The following PTOV1 variants were observed in gnomAD, a reference collection of about 807,000 sequenced individuals.
PTOV1 encodes the protein prostate tumor-overexpressed gene 1 protein.
In PTOV1, 20 loss-of-function variants were observed where a neutral mutation model predicts 58.0. The ratio of observed to expected loss-of-function variants is 0.34; its 90% confidence interval spans 0.24 to 0.50. The LOEUF is 0.50. Ranked by LOEUF, PTOV1 falls within the 20% of genes least tolerant of loss-of-function variation. The pLI is 0.98. For missense variants in PTOV1, 593 were observed against 565.4 expected, an observed-to-expected ratio of 1.05 and a Z score of -0.50; for synonymous variants, 335 against 234.2, an observed-to-expected ratio of 1.43 and a Z score of -3.93.
At chr19:49,860,399 G>GA in exon 12 of PTOV1, 12 of 517,952 alleles carry the variant, frequency 2.3e-5, no homozygotes, top group Non-Finnish European at 4.3e-5. Flanking sequence ...GTGGGGTTGG[G>GA]AAAGAAGCAG....
exon 10 of PTOV1, chr19:49,858,633 C>G: frequency 6.2e-7 from 1 of 1,601,606 alleles, no homozygotes; most frequent in Non-Finnish European, 8.5e-7. Flanking sequence ...GAGCCTGTGC[C>G]GGATCATGGA....
chr19:49,851,079 C>A, upstream of PTOV1: 1 of 1,457,694 alleles, frequency 6.9e-7, no homozygotes, highest in East Asian at 2.7e-5. Context: ...CCGGGCCCCG[C>A]TCCCCCGCGC....
At chr19:49,854,487 G>A (rs770745504) in exon 2 of PTOV1, 57 of 1,612,748 alleles carry the variant, frequency 3.5e-5, no homozygotes, top group Non-Finnish European at 4.5e-5. Context: ...GGCCGTGAGC[G>A]AGCACCGGCT....
chr19:49,858,722 G>C, intron 10 of PTOV1, 69 bp downstream of exon 10: 1 of 1,309,248 alleles, frequency 7.6e-7, no homozygotes, highest in South Asian at 1.3e-5. Flanking sequence ...GCTCACGGGG[G>C]CGGACATGGG....
intron 3 of PTOV1, 39 bp downstream of exon 3, chr19:49,854,773 G>A (rs373959297): frequency 6.2e-7 from 1 of 1,613,054 alleles, no homozygotes; most frequent in African/African-American, 1.3e-5. Flanking sequence ...GGTGGCAGGG[G>A]CAGTGGCTGT....
At chr19:49,858,101 C>T (rs1159017736) in exon 9 of PTOV1, 9 of 1,613,546 alleles carry the variant, frequency 5.6e-6, no homozygotes, top group East Asian at 2.2e-5. Context: ...CAGCTCATCC[C>T]GCAGCAGCTG....
At chr19:49,852,334 G>A (rs1300570617) in intron 1 of PTOV1, 1 of 152,642 alleles carries the variant, frequency 6.6e-6, no homozygotes, top group Non-Finnish European at 1.5e-5. Flanking sequence ...CCGAGACTTA[G>A]ATCACCTCCC....
chr19:49,854,950 G>T lies in PTOV1; in HGVS notation c.451-20G>T, dbSNP rs1196079035. 1 of 1,554,518 alleles carries T rather than the reference G, an allele frequency of 6.4e-7. No individual in the cohort carries two copies. Among genetic ancestry groups the T allele is most frequent in the Non-Finnish European group, 8.7e-7 (1 of 1,149,386 alleles). On this transcript the variant is annotated intron_variant, in intron 4 of 11. Coordinates refer to ENST00000391842, the Ensembl canonical transcript of PTOV1. ...ACCCCCATGCCTGGCTGACCCAGCT[G>T]TCTGTCCTGTCGCCCCCAGACCACC... is the stretch of plus-strand genomic sequence containing the variant.
In PTOV1 at chr19:49,858,540, TC is replaced by T; in HGVS notation, c.937-5del. ...AGCCAGAGCTGGGGGTCCCCTCGCT[TC>T]CCCGCAGACCACCCTAGTGCCGCTG... On this transcript the variant is annotated splice_region_variant and splice_polypyrimidine_tract_variant and intron_variant, in intron 9 of 11. Coordinates refer to ENST00000391842, the Ensembl canonical transcript of PTOV1. 1.3e-6 allele frequency: 2 copies of T among 1,586,214 alleles called. No homozygotes were observed. Among genetic ancestry groups the T allele is most frequent in the Non-Finnish European group, 1.7e-6 (2 of 1,165,048 alleles).
upstream of PTOV1, chr19:49,851,060 C>G (rs1474497030): frequency 6.7e-7 from 1 of 1,484,508 alleles, no homozygotes; most frequent in Admixed American, 2.2e-5. Flanking sequence ...GCCCACACTC[C>G]GCTCCCGCCC....
chr19:49,856,659 C>CCAA (rs1187521836), intron 5 of PTOV1: 1 of 369,486 alleles, frequency 2.7e-6, no homozygotes, highest in African/African-American at 2.1e-5. Context: ...AACCCCCAGG[C>CCAA]CAAGTCACCC....
At chr19:49,856,723 G>A in intron 5 of PTOV1, 1 of 503,272 alleles carries the variant, frequency 2.0e-6, no homozygotes. Flanking sequence ...GGGAGGTAGT[G>A]CCTTCTTGGC....
At chr19:49,859,324 C>T (rs2122274095) in intron 10 of PTOV1, 1 of 153,014 alleles carries the variant, frequency 6.5e-6, no homozygotes. Context: ...GGTGCGGTGG[C>T]TCACGCCTGC....
intron 1 of PTOV1, 28 bp downstream of exon 1, chr19:49,851,527 C>T (rs1034506627): frequency 1.7e-5 from 20 of 1,159,512 alleles, no homozygotes; most frequent in African/African-American, 3.2e-5. Flanking sequence ...TTTCCAGAGC[C>T]TTCCACGGCC....
Position 49,854,328 on chromosome 19 carries a change from C to T in PTOV1, c.172-78C>T, listed in dbSNP as rs2074368988. ...TTTGGGGCTGAATATTGGGACGTCC[C>T]CTCTGGGGTGTGTGGGGACTGCCTG... On this transcript the variant is annotated intron_variant, in intron 1 of 11. Coordinates refer to ENST00000391842, the Ensembl canonical transcript of PTOV1. The T allele has an allele frequency of 1.9e-6, 3 of 1,541,756 alleles. No homozygotes were observed. In the South Asian group the frequency reaches 3.6e-5, roughly 19 times the overall value.
chr19:49,851,073 GC>G (rs769929721), upstream of PTOV1: 10 of 1,466,608 alleles, frequency 6.8e-6, no homozygotes, highest in Non-Finnish European at 9.0e-6. Flanking sequence ...TCCCGCCCGG[GC>G]CCCGCTCCCC....
Position 49,860,576 on chromosome 19 carries a change from C to A in PTOV1, c.*297C>A, listed in dbSNP as rs551847557. On this transcript the variant is annotated 3_prime_UTR_variant, in exon 12 of 12. Coordinates refer to ENST00000391842, the Ensembl canonical transcript of PTOV1. ...GGGATGTGGGGTCAGTGCTTGGGAG[C>A]CTGTGGCCAGCAGCCCCCACTGCAC... is the stretch of plus-strand genomic sequence containing the variant. The A allele has an allele frequency of 1.5e-5, 8 of 543,724 alleles. No homozygotes were observed. In the South Asian group the frequency reaches 2.2e-4, roughly 15 times the overall value. 33.7% of individuals were successfully genotyped at this position (543,724 alleles called of 1,614,324 possible).
chr19:49,851,823 T>G, intron 1 of PTOV1: 2 of 999,900 alleles, frequency 2.0e-6, no homozygotes, highest in East Asian at 1.0e-4. Flanking sequence ...TTTTTCCTAT[T>G]GGAGAGTTGC....
rs776181424 is a variant in PTOV1 at position 49,855,122 on chromosome 19, G to C, written c.558+45G>C. On this transcript the variant is annotated intron_variant, in intron 5 of 11. Transcript: ENST00000391842. ...TTGTAGCACTGTGGTGACAAGTACAGCTGGAGGCAGCGCTCTGCTCACACA... is the reference window on the plus strand; with the variant it reads ...TTGTAGCACTGTGGTGACAAGTACACCTGGAGGCAGCGCTCTGCTCACACA... The C allele has an allele frequency of 3.3e-6, 5 of 1,503,212 alleles. No individual in the cohort carries two copies. The East Asian group carries it at 1.2e-4, about 37-fold the overall frequency. 93.1% of individuals were successfully genotyped at this position (1,503,212 alleles called of 1,614,324 possible).
Sources: allele counts gnomAD v4.1 joint callset, GRCh38; gene constraint gnomAD v4.1.1; transcripts MANE v1.5; gene names NCBI Gene and HGNC (gene_info 2026-07-23, HGNC 2026-07-21).